GFM1: variants seen among roughly 807,000 people sequenced by gnomAD.
GFM1 encodes elongation factor G, mitochondrial.
GFM1 carries 62 observed loss-of-function variants against 96.2 expected under a neutral mutation model. The observed-to-expected ratio is 0.64, with a 90% CI of 0.53 to 0.80. The LOEUF (loss-of-function observed/expected upper bound fraction) is 0.80, where lower values mean the gene tolerates loss of function less well. Ranked by LOEUF, GFM1 falls within the 30% of genes least tolerant of loss-of-function variation. The pLI, the probability that GFM1 is intolerant of heterozygous loss-of-function variation, is 0.00. For synonymous variants in GFM1, 282 were observed against 312.9 expected, an observed-to-expected ratio of 0.90 and a Z score of 1.04; for missense variants, 852 against 916.6, an observed-to-expected ratio of 0.93 and a Z score of 0.91.
Position 158,658,936 on chromosome 3 carries a change from A to G in GFM1, c.1098A>G (p.Gly366=). ...TTGACTTCTAGGTAGGTCGATTTGG[A>G]CAATTAACTTATGTTCGCAGTTATC... The part of the protein sequence containing the change: ...LAFKLEVGRF[G]QLTYVRSYQG... Residue 366 remains glycine, a synonymous_variant, in exon 9 of 18, where the codon GGA becomes GGG. Transcript: ENST00000486715. The G allele has an allele frequency of 6.2e-7, 1 of 1,614,180 alleles. No homozygotes were observed. Among genetic ancestry groups the G allele is most frequent in the Non-Finnish European group, 8.5e-7 (1 of 1,180,028 alleles).
chr3:158,653,732 G>T (rs1174569066), intron 7 of GFM1, among the ~76,000 whole-genome samples: 2 of 151,150 alleles, frequency 1.3e-5, no homozygotes, highest in African/African-American at 4.9e-5. Context: ...TCTCATTTGG[G>T]ACTAGCTGTT....
At chr3:158,672,093 T>C (rs2108068888) in intron 13 of GFM1, among the ~76,000 whole-genome samples, 1 of 152,268 alleles carries the variant, frequency 6.6e-6, no homozygotes, top group Middle Eastern at 3.4e-3. Context: ...GTGTTCCCGT[T>C]TTCTTGTAAC....
chr3:158,664,027 C>T (rs1224379667), intron 11 of GFM1, among the ~76,000 whole-genome samples: 1 of 152,178 alleles, frequency 6.6e-6, no homozygotes, highest in African/African-American at 2.4e-5. Flanking sequence ...CATGCAATAG[C>T]TGTGTGGCCT....
At chr3:158,690,483 A>G in intron 16 of GFM1, 160 bp downstream of exon 16, 2 of 664,216 alleles carry the variant, frequency 3.0e-6, no homozygotes, top group African/African-American at 3.6e-5. Context: ...TCTTAAGTGC[A>G]GAAGTTAAAA....
intron 10 of GFM1, among the ~76,000 whole-genome samples, chr3:158,661,307 C>T (rs1576748796): frequency 6.6e-6 from 1 of 152,314 alleles, no homozygotes; most frequent in African/African-American, 2.4e-5. Flanking sequence ...CCTGCTTCCA[C>T]ACTTGGGGTG....
At position 158,685,941 on chromosome 3, in the gene GFM1, G is replaced by A. The variant is rs562350282; in HGVS notation, c.1909+1273G>A. Among the ~76,000 whole-genome samples, 7 of 152,032 alleles carry A rather than the reference G, an allele frequency of 4.6e-5. No individual in the cohort carries two copies. The East Asian group carries it at 1.3e-3, about 29-fold the overall frequency. On this transcript the variant is annotated intron_variant, in intron 15 of 17. Coordinates refer to ENST00000486715, the MANE Select transcript of GFM1 (RefSeq NM_024996.7). ...TAAAACAAATTAGAAAGTACTGATTGTTCTATGCTGGTTCTTTACTGGAAA... is the reference window on the plus strand; with the variant it reads ...TAAAACAAATTAGAAAGTACTGATTATTCTATGCTGGTTCTTTACTGGAAA...
Position 158,693,667 on chromosome 3 carries a change from A to G in GFM1, c.*2200A>G, listed in dbSNP as rs1726446478. ...GTGAGGGTTGTTTATACTACTATCA[A>G]GAAGGATAATTGTTGGCTAATTCAA... On this transcript the variant is annotated 3_prime_UTR_variant, in exon 18 of 18. Coordinates refer to ENST00000486715, the MANE Select transcript of GFM1 (RefSeq NM_024996.7). 1 of 152,262 alleles carries G rather than the reference A, an allele frequency of 6.6e-6. No individual in the cohort carries two copies. Among genetic ancestry groups the G allele is most frequent in the Non-Finnish European group, 1.5e-5 (1 of 68,048 alleles). 9.4% of individuals were successfully genotyped at this position (152,262 alleles called of 1,614,324 possible).
chr3:158,650,041 T>C lies in GFM1; in HGVS notation c.689+884T>C, dbSNP rs553012731. The C allele has an allele frequency of 3.3e-5, 51 of 1,536,014 alleles. No individual in the cohort carries two copies. In the African/African-American group the frequency reaches 6.3e-4, roughly 19 times the overall value. On this transcript the variant is annotated intron_variant, in intron 5 of 17. Transcript: ENST00000486715. ...GGGATTTCCTTCCTCTGCTATGGAATTGGGATCGCAGGTCTGGCAGGTGGG... is the reference window on the plus strand; with the variant it reads ...GGGATTTCCTTCCTCTGCTATGGAACTGGGATCGCAGGTCTGGCAGGTGGG...
chr3:158,665,290 T>G (rs1482585070), intron 11 of GFM1, 47 bp from the exon 12 acceptor site: 6 of 1,472,192 alleles, frequency 4.1e-6, no homozygotes, highest in South Asian at 1.1e-5. Context: ...ATCCCATTGC[T>G]TATCATGCTC....
Position 158,690,273 on chromosome 3 carries a change from G to T in GFM1, c.2020G>T (p.Val674Leu). Residue 674 changes from valine (V) to leucine (L), a missense_variant, in exon 16 of 18, where the codon GTA (valine) becomes TTA (leucine). By Grantham distance (32) the Val-to-Leu change is conservative. Coordinates refer to ENST00000486715, the MANE Select transcript of GFM1 (RefSeq NM_024996.7). ...TGCAGGAATTAACCGACGCCATGGGGTAATCACTGGGCAAGATGGAGTTGA... is the reference window on the plus strand; with the variant it reads ...TGCAGGAATTAACCGACGCCATGGGTTAATCACTGGGCAAGATGGAGTTGA... ...VIAGINRRHGVITGQDGVEDY... is the reference protein window; with the variant it reads ...VIAGINRRHGLITGQDGVEDY... 1.2e-6 allele frequency: 2 copies of T among 1,613,908 alleles called. No homozygotes were observed. The highest frequency in any genetic ancestry group is 3.3e-4 in the Middle Eastern group (2 of 6,060).
chr3:158,656,148 T>C (rs1182340825), intron 8 of GFM1: 3 of 219,944 alleles, frequency 1.4e-5, no homozygotes, highest in African/African-American at 7.1e-5. Flanking sequence ...TTTGTTTTTT[T>C]TTGTTTTTAT....
rs1162719075 is a variant in GFM1, at chr3:158,669,755, T to C, written c.1601+3369T>C. 5 of 733,096 alleles carry C rather than the reference T, an allele frequency of 6.8e-6. No homozygotes were observed. The African/African-American group carries it at 9.0e-5, about 13-fold the overall frequency. The allele number at this position is 733,096 out of a possible 1,614,324, so 45.4% of individuals were successfully genotyped here. ...AGTGCTTGTTTTCAGAGGTATCTAA[T>C]TGGGCCTGGCCTATTAAATTCTAGA... On this transcript the variant is annotated intron_variant, in intron 13 of 17. Coordinates refer to ENST00000486715, the MANE Select transcript of GFM1 (RefSeq NM_024996.7).
rs1377303078 is a variant in GFM1, at chr3:158,694,741, G to A, written c.*3274G>A. Among the ~76,000 whole-genome samples, 1 of 152,110 alleles carries A rather than the reference G, an allele frequency of 6.6e-6. No individual in the cohort carries two copies. The highest frequency in any genetic ancestry group is 2.4e-5 in the African/African-American group (1 of 41,412). ...AAAAAAAGTGTTCCTATTTATATAAGCTTCCAACTGACTTTCAAAAGAACT... is the reference window on the plus strand; with the variant it reads ...AAAAAAAGTGTTCCTATTTATATAAACTTCCAACTGACTTTCAAAAGAACT... On this transcript the variant is annotated 3_prime_UTR_variant, in exon 18 of 18. Transcript: ENST00000486715.
At chr3:158,664,324 T>C (rs1723435780) in intron 11 of GFM1, among the ~76,000 whole-genome samples, 1 of 152,240 alleles carries the variant, frequency 6.6e-6, no homozygotes, top group Non-Finnish European at 1.5e-5. Context: ...AAGGGCTAAA[T>C]TAATCAAGAT....
At position 158,694,821 on chromosome 3, in the gene GFM1, A is replaced by G. The variant is rs1726488344; in HGVS notation, c.*3354A>G. Among the ~76,000 whole-genome samples, 1 of 152,256 alleles carries G rather than the reference A, an allele frequency of 6.6e-6. No homozygotes were observed. Among genetic ancestry groups the G allele is most frequent in the Non-Finnish European group, 1.5e-5 (1 of 68,042 alleles). On this transcript the variant is annotated 3_prime_UTR_variant, in exon 18 of 18. Coordinates refer to ENST00000486715, the MANE Select transcript of GFM1 (RefSeq NM_024996.7). ...GTAGGAAGAAAATGAAAGTATGAATAAAATAAAATGGAATGTAGACAAAAT... is the reference window on the plus strand; with the variant it reads ...GTAGGAAGAAAATGAAAGTATGAATGAAATAAAATGGAATGTAGACAAAAT...
chr3:158,682,069 T>G lies in GFM1; in HGVS notation c.1676T>G (p.Leu559Arg). Residue 559 changes from leucine (L) to arginine (R), a missense_variant, in exon 14 of 18, where the codon CTG (leucine) becomes CGG (arginine). Physicochemically the swap from Leu to Arg is moderately radical, Grantham distance 102. Transcript: ENST00000486715. ...AAAGTAATAGGTGTCCTGGAGCCTC[T>G]GGACCCAGAGGACTACACTAAATTG... The part of the protein sequence containing the change: ...YGKVIGVLEP[L>R]DPEDYTKLEF... The G allele has an allele frequency of 6.2e-7, 1 of 1,613,456 alleles. No homozygotes were observed. Among genetic ancestry groups the G allele is most frequent in the Non-Finnish European group, 8.5e-7 (1 of 1,179,488 alleles).
intron 15 of GFM1, chr3:158,684,945 G>A (rs550208912): frequency 7.7e-4 from 253 of 328,232 alleles, no homozygotes; most frequent in Middle Eastern, 1.8e-3. Flanking sequence ...TTTTTAATAG[G>A]GAAGACTGAA....
intron 11 of GFM1, among the ~76,000 whole-genome samples, chr3:158,663,530 T>C (rs570524613): frequency 2.0e-5 from 3 of 152,278 alleles, no homozygotes; most frequent in East Asian, 1.9e-4. Flanking sequence ...TTTCTCAATA[T>C]AGAAAAGAGA....
Position 158,672,646 on chromosome 3 carries a change from T to C in GFM1, c.1601+6260T>C, listed in dbSNP as rs939614604. 28 of 749,012 alleles carry C rather than the reference T, an allele frequency of 3.7e-5. No individual in the cohort carries two copies. In the African/African-American group the frequency reaches 4.8e-4, roughly 13 times the overall value. The allele number at this position is 749,012 out of a possible 1,614,324, so 46.4% of individuals were successfully genotyped here. On this transcript the variant is annotated intron_variant, in intron 13 of 17. Transcript: ENST00000486715. The stretch of plus-strand genomic sequence containing the variant: ...CTCCTTCCGACTCCGGAAGCTGCTG[T>C]TTGGGCCCAGGCTCCCTGCATCCGA...
Sources: gnomAD v4.1 joint callset for allele counts (sites outside exome capture counted in the v4.1 genomes callset) on GRCh38, gnomAD v4.1.1 for gene constraint, MANE v1.5 for transcripts, NCBI Gene and HGNC (gene_info 2026-07-23, HGNC 2026-07-21) for gene names.